Variants in CFAP52 observed in about 807,000 individuals in gnomAD.
CFAP52 encodes the protein cilia- and flagella-associated protein 52.
Under a neutral mutation model 70.5 loss-of-function variants are expected in CFAP52, and 57 were observed. That is an observed-to-expected ratio of 0.81 (90% CI 0.65 to 1.01). The LOEUF is 1.01. Among genes scored for constraint, CFAP52 ranks in the 50% least tolerant of loss-of-function variants. CFAP52 has a pLI of 0.00. For missense variants in CFAP52, 785 were observed against 788.5 expected, an observed-to-expected ratio of 1.00 and a Z score of 0.05; for synonymous variants, 267 against 292.5, an observed-to-expected ratio of 0.91 and a Z score of 0.89.
intron 11 of CFAP52, among the ~76,000 whole-genome samples, chr17:9,636,185 A>AAGAAAGAAAGAG: frequency 1.3e-5 from 1 of 79,238 alleles, no homozygotes; most frequent in Non-Finnish European, 2.2e-5. Flanking sequence ...AAAAAAAAGA[A>AAGAAAGAAAGAG]AGAAAGAAAG....
intron 3 of CFAP52, chr17:9,590,627 T>C (rs776618101): frequency 2.0e-5 from 3 of 152,266 alleles, no homozygotes; most frequent in Non-Finnish European, 2.9e-5. Context: ...CGGAGATTCT[T>C]GGAGCTAGGC....
At chr17:9,579,715 C>T (rs746199123) in intron 1 of CFAP52, among the ~76,000 whole-genome samples, 157 of 152,224 alleles carry the variant, frequency 1.0e-3, no homozygotes, top group Admixed American at 1.2e-3. Context: ...TTACAGGTAT[C>T]CACCACCACG....
chr17:9,635,626 A>T, intron 11 of CFAP52, 70 bp downstream of exon 11: 6 of 1,589,958 alleles, frequency 3.8e-6, no homozygotes, highest in Non-Finnish European at 3.4e-6. Flanking sequence ...TTTATTGAAC[A>T]TGAGAGAAGA....
At chr17:9,622,553 AAG>A (rs1220612767) in intron 8 of CFAP52, among the ~76,000 whole-genome samples, 52 of 145,044 alleles carry the variant, frequency 3.6e-4, no homozygotes, top group African/African-American at 1.3e-3. Flanking sequence ...TTAAAAAAAA[AAG>A]AAGAAGAAGA....
intron 7 of CFAP52, among the ~76,000 whole-genome samples, chr17:9,609,080 T>A (rs1428220670): frequency 6.6e-6 from 1 of 152,194 alleles, no homozygotes; most frequent in Non-Finnish European, 1.5e-5. Context: ...ATGTGCTTTA[T>A]GGCCTCTGCT....
intron 8 of CFAP52, among the ~76,000 whole-genome samples, chr17:9,612,795 T>C (rs779267076): frequency 6.7e-6 from 1 of 149,360 alleles, no homozygotes; most frequent in Admixed American, 6.6e-5. Context: ...AGTCCCTGAC[T>C]TATGATTTTT....
At chr17:9,633,660 G>A (rs115341323) in intron 10 of CFAP52, among the ~76,000 whole-genome samples, 2,321 of 151,248 alleles carry the variant, frequency 0.015, 75 homozygotes, top group African/African-American at 0.053. Context: ...GTGGTTGTAC[G>A]AATTGTCATC....
rs758862623 is a variant in CFAP52, at chr17:9,608,266, A to G, written c.854+47A>G. 15 of 1,409,860 alleles carry G rather than the reference A, an allele frequency of 1.1e-5. No individual in the cohort carries two copies. The African/African-American group carries it at 2.2e-4, about 20-fold the overall frequency. 87.3% of individuals were successfully genotyped at this position (1,409,860 alleles called of 1,614,324 possible). A position where few individuals can be genotyped will look rare whatever the true frequency, so the allele number is the denominator to read the frequency against. On this transcript the variant is annotated intron_variant, in intron 7 of 13. Transcript: ENST00000352665. Reference sequence around the variant, plus strand: ...GTGGGGCTGGGTAGAGACCCACTAAACGGAGATTTGCTTAAAGCCAGCAAC... The same window carrying G: ...GTGGGGCTGGGTAGAGACCCACTAAGCGGAGATTTGCTTAAAGCCAGCAAC...
At position 9,608,220 on chromosome 17, in the gene CFAP52, G is replaced by A. The variant is rs1435038525; in HGVS notation, c.854+1G>A. ...AAAGCCCTGGCTACAAACCCATCAA[G>A]TAAGTTCCGGGTCTCACACAGTGGG... On this transcript the variant is annotated splice_donor_variant, in intron 7 of 13. Coordinates refer to ENST00000352665, the MANE Select transcript of CFAP52 (RefSeq NM_145054.5). LOFTEE classifies it high-confidence loss of function. 1 of 1,603,516 alleles carries A rather than the reference G, an allele frequency of 6.2e-7. No homozygotes were observed. Among genetic ancestry groups the A allele is most frequent in the Admixed American group, 1.7e-5 (1 of 59,576 alleles).
At chr17:9,587,664 G>C (rs1047894437) in intron 3 of CFAP52, among the ~76,000 whole-genome samples, 7 of 152,122 alleles carry the variant, frequency 4.6e-5, no homozygotes, top group Admixed American at 4.6e-4. Context: ...CTGCATGTAT[G>C]TCTTCTTTTG....
intron 13 of CFAP52, among the ~76,000 whole-genome samples, chr17:9,642,352 G>T (rs1421595824): frequency 6.6e-6 from 1 of 152,202 alleles, no homozygotes; most frequent in African/African-American, 2.4e-5. Flanking sequence ...GGCCAGGCGT[G>T]GTGGCTCATG....
chr17:9,600,128 A>G lies in CFAP52; in HGVS notation c.698A>G (p.Asn233Ser). ...ACGACTGGAGATATTCTAAAAATGA[A>G]CCCCAGGACTAAACTGCTGACAGAT... ...GTTTGDILKM[N>S]PRTKLLTDVG... Residue 233 changes from asparagine (N) to serine (S), a missense_variant, in exon 6 of 14, where the codon AAC becomes AGC. Coordinates refer to ENST00000352665, the MANE Select transcript of CFAP52 (RefSeq NM_145054.5). The G allele has an allele frequency of 6.2e-7, 1 of 1,613,924 alleles. No individual in the cohort carries two copies. The highest frequency in any genetic ancestry group is 8.5e-7 in the Non-Finnish European group (1 of 1,179,952).
intron 3 of CFAP52, among the ~76,000 whole-genome samples, chr17:9,593,590 G>C (rs1908862480): frequency 1.3e-5 from 2 of 152,040 alleles, no homozygotes; most frequent in South Asian, 4.2e-4. Flanking sequence ...TGAGTAGCTG[G>C]GACTACAGGT....
chr17:9,612,167 T>A, intron 7 of CFAP52, 142 bp from the exon 8 acceptor site: 6 of 1,087,042 alleles, frequency 5.5e-6, no homozygotes, highest in Non-Finnish European at 7.8e-6. Context: ...TGTGAGTAAC[T>A]CCTGCCTTTT....
At chr17:9,588,365 C>A (rs548817210) in intron 3 of CFAP52, among the ~76,000 whole-genome samples, 4 of 152,228 alleles carry the variant, frequency 2.6e-5, no homozygotes, top group South Asian at 2.1e-4. Flanking sequence ...CAGCTCAGCC[C>A]GCTCGTGCCC....
chr17:9,631,028 A>AAGAGAGAGAGAGAGAGAGAGAGAG (rs761523039), intron 9 of CFAP52, among the ~76,000 whole-genome samples: 8 of 44,700 alleles, frequency 1.8e-4, no homozygotes, highest in East Asian at 2.1e-3. Context: ...GAAAGAAAGA[A>AAGAGAGAGAGAGAGAGAGAGAGAG]AGAGAGAGAG....
intron 3 of CFAP52, among the ~76,000 whole-genome samples, chr17:9,588,787 T>TTC (rs1349462521): frequency 1.3e-5 from 2 of 151,736 alleles, no homozygotes; most frequent in African/African-American, 4.8e-5. Context: ...TTTTTTTTTT[T>TTC]TTGAGATGGA....
intron 3 of CFAP52, among the ~76,000 whole-genome samples, 190 bp downstream of exon 3, chr17:9,587,024 C>A (rs11657876): frequency 0.59 from 90,041 of 151,950 alleles, 29,758 homozygotes; most frequent in Non-Finnish European, 0.75. Flanking sequence ...CCTCTCCCAC[C>A]CTCCACCCTC....
intron 10 of CFAP52, among the ~76,000 whole-genome samples, chr17:9,633,649 C>T (rs576814894): frequency 2.1e-4 from 31 of 151,018 alleles, no homozygotes; most frequent in African/African-American, 7.3e-4. Context: ...CTCCGAGGAT[C>T]GTGGTTGTAC....
Sources: allele counts gnomAD v4.1 joint callset (sites outside exome capture counted in the v4.1 genomes callset), GRCh38; gene constraint gnomAD v4.1.1; transcripts MANE v1.5; gene names NCBI Gene and HGNC (gene_info 2026-07-23, HGNC 2026-07-21).